The following INVS variants were observed in gnomAD, a reference collection of about 807,000 sequenced individuals.
INVS encodes the protein inversin.
INVS carries 86 observed loss-of-function variants against 108.8 expected under a neutral mutation model. The observed-to-expected ratio is 0.79, with a 90% confidence interval of 0.66 to 0.95. The LOEUF (loss-of-function observed/expected upper bound fraction) is 0.95. Ranked by LOEUF, INVS falls within the 40% of genes least tolerant of loss-of-function variation. The pLI is 0.00. For missense variants in INVS, 1,169 were observed against 1,297.4 expected, an observed-to-expected ratio of 0.90 and a Z score of 1.52; for synonymous variants, 455 against 473.5, an observed-to-expected ratio of 0.96 and a Z score of 0.51.
In INVS at chr9:100,207,280, A is replaced by AT. The variant is rs554818482; in HGVS notation, c.274-18776dup. On this transcript the variant is annotated intron_variant, in intron 3 of 16. Coordinates refer to ENST00000262457, the MANE Select transcript of INVS (RefSeq NM_014425.5). ...GAAAGAGTTATTTATTTATTCATTC[A>AT]TTTTTTATTTTTTGTTTATTTATTT... is the stretch of plus-strand genomic sequence containing the variant. Among the ~76,000 whole-genome samples, 882 of 151,920 alleles carry AT rather than the reference A, an allele frequency of 5.8e-3. 7 individuals carry two copies. Among genetic ancestry groups the AT allele is most frequent in the South Asian group, 0.018 (89 of 4,812 alleles).
chr9:100,125,430 T>C (rs1444346914), intron 2 of INVS, among the ~76,000 whole-genome samples: 1 of 152,180 alleles, frequency 6.6e-6, no homozygotes, highest in Non-Finnish European at 1.5e-5. Flanking sequence ...CCTTGGTGTT[T>C]CTGGATTATA....
intron 13 of INVS, among the ~76,000 whole-genome samples, chr9:100,285,601 T>A (rs1833416267): frequency 6.6e-6 from 1 of 152,178 alleles, no homozygotes; most frequent in African/African-American, 2.4e-5. Context: ...AGAAAAGGTG[T>A]ATGGAGCAAT....
At chr9:100,295,223 G>T (rs1164562620) in intron 14 of INVS, among the ~76,000 whole-genome samples, 5 of 152,164 alleles carry the variant, frequency 3.3e-5, no homozygotes, top group African/African-American at 1.2e-4. Flanking sequence ...GAAGCTGACA[G>T]GTCCTGTCAG....
chr9:100,282,761 G>A (rs901479243), intron 12 of INVS, among the ~76,000 whole-genome samples: 1 of 152,134 alleles, frequency 6.6e-6, no homozygotes, highest in Non-Finnish European at 1.5e-5. Flanking sequence ...CAAAAAATTG[G>A]TGTCATTGTG....
At chr9:100,199,373 A>G (rs1201231766) in intron 3 of INVS, among the ~76,000 whole-genome samples, 1 of 152,140 alleles carries the variant, frequency 6.6e-6, no homozygotes, top group African/African-American at 2.4e-5. Flanking sequence ...TTTACATTTA[A>G]TGAATTCTTG....
chr9:100,230,537 G>A (rs1461014717), intron 5 of INVS, among the ~76,000 whole-genome samples: 1 of 150,294 alleles, frequency 6.7e-6, no homozygotes, highest in Non-Finnish European at 1.5e-5. Flanking sequence ...ATTTTATTTT[G>A]AGACAGAGTC....
intron 2 of INVS, among the ~76,000 whole-genome samples, chr9:100,116,446 T>G (rs1157238077): frequency 6.6e-6 from 1 of 152,170 alleles, no homozygotes; most frequent in East Asian, 1.9e-4. Flanking sequence ...ATTGTAAAAG[T>G]TTTTATTTAT....
intron 3 of INVS, among the ~76,000 whole-genome samples, chr9:100,136,819 C>G (rs1337586530): frequency 1.3e-5 from 2 of 152,112 alleles, no homozygotes; most frequent in Non-Finnish European, 2.9e-5. Context: ...GTGGGCAGAT[C>G]ACCTGAAGTC....
intron 6 of INVS, among the ~76,000 whole-genome samples, 156 bp downstream of exon 6, chr9:100,240,396 A>G (rs1182634842): frequency 1.3e-5 from 2 of 152,088 alleles, no homozygotes; most frequent in Non-Finnish European, 2.9e-5. Context: ...ATAGTAATAT[A>G]AATTTATTTT....
intron 1 of INVS, among the ~76,000 whole-genome samples, chr9:100,103,526 G>T (rs1195083543): frequency 6.6e-6 from 1 of 152,014 alleles, no homozygotes; most frequent in Non-Finnish European, 1.5e-5. Flanking sequence ...TACTGAGGAG[G>T]CTGAGGCAGG....
chr9:100,186,342 G>A (rs924964380), intron 3 of INVS, among the ~76,000 whole-genome samples: 4 of 151,984 alleles, frequency 2.6e-5, no homozygotes, highest in South Asian at 2.1e-4. Context: ...TAGTAGAGAC[G>A]GGGTTTCACC....
At chr9:100,137,324 A>C (rs1828259895) in intron 3 of INVS, among the ~76,000 whole-genome samples, 1 of 151,894 alleles carries the variant, frequency 6.6e-6, no homozygotes, top group African/African-American at 2.4e-5. Context: ...CTCCTCTCAC[A>C]CCTCCCCAGA....
At position 100,239,946 on chromosome 9, in the gene INVS, G is replaced by A; in HGVS notation, c.616-114G>A. The A allele has an allele frequency of 3.1e-6, 3 of 952,982 alleles. No homozygotes were observed. In the East Asian group the frequency reaches 7.5e-5, roughly 24 times the overall value. 59.0% of individuals were successfully genotyped at this position (952,982 alleles called of 1,614,324 possible). On this transcript the variant is annotated intron_variant, in intron 5 of 16. Transcript: ENST00000262457. ...ATCATGCCACTGTACTCCAACCTGG[G>A]TGACAGAACAAGACCCTGTCTCTAA...
intron 3 of INVS, among the ~76,000 whole-genome samples, chr9:100,178,028 A>G (rs1052224005): frequency 6.6e-6 from 1 of 152,236 alleles, no homozygotes; most frequent in Admixed American, 6.5e-5. Flanking sequence ...AAACCTGTAG[A>G]ATAGGGGCCT....
At chr9:100,294,790 G>A (rs956223765) in intron 14 of INVS, among the ~76,000 whole-genome samples, 4 of 152,166 alleles carry the variant, frequency 2.6e-5, no homozygotes, top group African/African-American at 9.7e-5. Flanking sequence ...GGAGAAGGGT[G>A]ATGTTACTAC....
chr9:100,258,286 T>A (rs188112938), intron 10 of INVS, among the ~76,000 whole-genome samples: 2 of 152,212 alleles, frequency 1.3e-5, no homozygotes, highest in African/African-American at 4.8e-5. Context: ...ATGCTTTTTA[T>A]TCTAGTTAGC....
At chr9:100,100,937 A>AC (rs1491408195) in intron 1 of INVS, among the ~76,000 whole-genome samples, 3 of 31,550 alleles carry the variant, frequency 9.5e-5, no homozygotes, top group East Asian at 3.6e-3. Context: ...TAATATATAT[A>AC]ATATATATAC....
chr9:100,166,744 T>A (rs1477943402), intron 3 of INVS, among the ~76,000 whole-genome samples: 2 of 152,180 alleles, frequency 1.3e-5, no homozygotes, highest in African/African-American at 4.8e-5. Flanking sequence ...TTCTCAACAT[T>A]CCCTTTACCA....
chr9:100,209,663 A>G (rs1165332814), intron 3 of INVS, among the ~76,000 whole-genome samples: 4 of 150,824 alleles, frequency 2.7e-5, no homozygotes, highest in East Asian at 2.0e-4. Context: ...CCAGCTACTC[A>G]GGAGGCTGAG....
Sources: allele counts gnomAD v4.1 joint callset (sites outside exome capture counted in the v4.1 genomes callset), GRCh38; gene constraint gnomAD v4.1.1; transcripts MANE v1.5; gene names NCBI Gene and HGNC (gene_info 2026-07-23, HGNC 2026-07-21).